Variants in RFC1 observed in about 807,000 individuals in gnomAD.
RFC1 encodes the protein replication factor C subunit 1.
A neutral mutation model predicts 137.4 loss-of-function variants in RFC1; 37 were observed. The observed-to-expected ratio is 0.27, with a 90% CI of 0.21 to 0.35. RFC1 has a LOEUF of 0.35. RFC1 is among the 10% of genes least tolerant of loss of function. RFC1 has a pLI of 1.00. For missense variants in RFC1, 1,205 were observed against 1,358.5 expected (o/e 0.89, Z 1.78); for synonymous variants, 429 against 455.7 (o/e 0.94, Z 0.75).
chr4:39,304,721 G>C, intron 15 of RFC1, 93 bp downstream of exon 15: 2 of 797,454 alleles, frequency 2.5e-6, no homozygotes, highest in Non-Finnish European at 2.2e-6. Context: ...TAGGGTGCTT[G>C]GCACACAACC....
Position 39,291,654 on chromosome 4 carries a change from T to G in RFC1, c.3153A>C (p.Ser1051=). The G allele has an allele frequency of 6.2e-7, 1 of 1,613,422 alleles. No homozygotes were observed. Among genetic ancestry groups the G allele is most frequent in the Non-Finnish European group, 8.5e-7 (1 of 1,179,358 alleles). ...SSWGGKPSPF[S]KLDPKVKAAF... ...CATGATTTACCTTGGGATCCAGCTT[T>G]GAAAAGGGACTAGGTTTGCCACCCC... Residue 1051 remains serine, a synonymous_variant, in exon 23 of 25, where the codon TCA becomes TCC. Coordinates refer to ENST00000349703, the MANE Select transcript of RFC1 (RefSeq NM_002913.5).
At chr4:39,293,893 T>C (rs977172729) in intron 22 of RFC1, among the ~76,000 whole-genome samples, 8 of 152,138 alleles carry the variant, frequency 5.3e-5, no homozygotes, top group Non-Finnish European at 1.0e-4. Context: ...AGAAGAGCCA[T>C]GGGGAAAGCA....
intron 4 of RFC1, among the ~76,000 whole-genome samples, chr4:39,330,545 A>C (rs1173061271): frequency 6.6e-6 from 1 of 152,140 alleles, no homozygotes; most frequent in African/African-American, 2.4e-5. Flanking sequence ...GACCACAATC[A>C]GCTAGACCAG....
chr4:39,304,237 T>C (rs547620455), intron 15 of RFC1, among the ~76,000 whole-genome samples: 2 of 152,312 alleles, frequency 1.3e-5, no homozygotes, highest in South Asian at 4.2e-4. Flanking sequence ...ACTCTGGCCA[T>C]AGAGGACCAC....
intron 4 of RFC1, among the ~76,000 whole-genome samples, chr4:39,339,161 G>A (rs1740495888): frequency 6.6e-6 from 1 of 151,890 alleles, no homozygotes. Flanking sequence ...TGACACTTAA[G>A]TTGTTTCCAT....
In RFC1 at chr4:39,288,558, G is replaced by A; in HGVS notation, c.*203C>T. 2.0e-6 allele frequency: 1 copy of A among 494,414 alleles called. No homozygotes were observed. The highest frequency in any genetic ancestry group is 3.6e-6 in the Non-Finnish European group (1 of 276,952). The allele number at this position is 494,414 out of a possible 1,614,324, so 30.6% of individuals were successfully genotyped here. A position where few individuals can be genotyped will look rare whatever the true frequency, so the allele number is the denominator to read the frequency against. ...CAGAGGACAGTGGAGGACCCAAGCA[G>A]TCCTATCAACCTCTATAAGAGGTGT... On this transcript the variant is annotated 3_prime_UTR_variant, in exon 25 of 25. Coordinates refer to ENST00000349703, the MANE Select transcript of RFC1 (RefSeq NM_002913.5).
At chr4:39,352,130 T>C (rs1334675164) in intron 1 of RFC1, among the ~76,000 whole-genome samples, 1 of 152,074 alleles carries the variant, frequency 6.6e-6, no homozygotes, top group Non-Finnish European at 1.5e-5. Context: ...TACATGCACA[T>C]ACACATACAC....
intron 2 of RFC1, among the ~76,000 whole-genome samples, chr4:39,349,733 G>T (rs562160110): frequency 6.6e-6 from 1 of 152,164 alleles, no homozygotes; most frequent in African/African-American, 2.4e-5. Flanking sequence ...GGCCGGGCAC[G>T]GTGGCTCACA....
chr4:39,317,046 TG>T (rs749270369), intron 9 of RFC1, 24 bp from the exon 10 acceptor site: 1 of 1,466,960 alleles, frequency 6.8e-7, no homozygotes, highest in African/African-American at 1.4e-5. Context: ...GAAAGGAAAA[TG>T]AACAAAGTCA....
At chr4:39,323,988 A>C (rs978482813) in intron 6 of RFC1, among the ~76,000 whole-genome samples, 1 of 152,212 alleles carries the variant, frequency 6.6e-6, no homozygotes, top group Non-Finnish European at 1.5e-5. Context: ...AGTTCTACTA[A>C]CATGCTAATG....
At chr4:39,341,501 A>T in intron 4 of RFC1, 3 of 416,800 alleles carry the variant, frequency 7.2e-6, no homozygotes, top group Admixed American at 5.8e-5. Flanking sequence ...TGTCTTTGAT[A>T]TTTTGAACAG....
chr4:39,312,868 G>T lies in RFC1; in HGVS notation c.1267C>A (p.Arg423=), dbSNP rs757709074. Residue 423 remains arginine (R), a synonymous_variant, in exon 11 of 25, where the codon CGA becomes AGA. Coordinates refer to ENST00000349703, the MANE Select transcript of RFC1 (RefSeq NM_002913.5). ...VITGVLESIE[R]DEAKSLIERY... ...TCAATTAGAGACTTGGCCTCATCTCGTTCAATAGACTCCAGCACGCCTGTG... is the reference window on the plus strand; with the variant it reads ...TCAATTAGAGACTTGGCCTCATCTCTTTCAATAGACTCCAGCACGCCTGTG... 6 of 1,613,868 alleles carry T rather than the reference G, an allele frequency of 3.7e-6. No individual in the cohort carries two copies. Among genetic ancestry groups the T allele is most frequent in the Non-Finnish European group, 5.1e-6 (6 of 1,180,012 alleles).
intron 1 of RFC1, among the ~76,000 whole-genome samples, chr4:39,358,165 C>T (rs1741575680): frequency 6.6e-6 from 1 of 151,882 alleles, no homozygotes; most frequent in South Asian, 2.1e-4. Flanking sequence ...ATCCCAGCTA[C>T]TAGGGAGGCT....
At chr4:39,322,318 G>C (rs1011268178) in intron 7 of RFC1, 2 of 151,800 alleles carry the variant, frequency 1.3e-5, no homozygotes, top group Non-Finnish European at 2.9e-5. Flanking sequence ...TGCGGTGAGG[G>C]GATCAATCAA....
chr4:39,333,887 G>GA (rs771425431), intron 4 of RFC1, among the ~76,000 whole-genome samples: 4 of 152,014 alleles, frequency 2.6e-5, no homozygotes, highest in Non-Finnish European at 5.9e-5. Flanking sequence ...GCTCTCCAAA[G>GA]AAAAAATATG....
In RFC1 at chr4:39,291,632, G is replaced by A. The variant is rs1304163752; in HGVS notation, c.3168+7C>T. The A allele has an allele frequency of 6.3e-7, 1 of 1,598,656 alleles. No individual in the cohort carries two copies. Among genetic ancestry groups the A allele is most frequent in the African/African-American group, 1.3e-5 (1 of 74,632 alleles). ...GTGACGAAGAACCAGTGAGTGACAT[G>A]ATTTACCTTGGGATCCAGCTTTGAA... On this transcript the variant is annotated splice_region_variant and intron_variant, in intron 23 of 24. Transcript: ENST00000349703.
intron 22 of RFC1, among the ~76,000 whole-genome samples, chr4:39,294,309 G>A (rs1215172876): frequency 6.6e-6 from 1 of 152,210 alleles, no homozygotes; most frequent in Non-Finnish European, 1.5e-5. Context: ...TGGAATGGGG[G>A]ATCAAATATT....
At chr4:39,339,456 C>T (rs995063325) in intron 4 of RFC1, among the ~76,000 whole-genome samples, 7 of 152,210 alleles carry the variant, frequency 4.6e-5, no homozygotes, top group East Asian at 1.9e-4. Context: ...GAGGTGTTAT[C>T]GCACACTGGT....
chr4:39,366,163 C>T lies in RFC1; in HGVS notation c.3+76G>A. On this transcript the variant is annotated intron_variant, in intron 1 of 24. Transcript: ENST00000349703. Reference sequence around the variant, plus strand: ...CGCCATCCTCCCCCACCCTGCATACCAGGAGTGCCCGGTCCACACCAGGCC... The same window carrying T: ...CGCCATCCTCCCCCACCCTGCATACTAGGAGTGCCCGGTCCACACCAGGCC... 3.3e-6 allele frequency: 5 copies of T among 1,501,834 alleles called. No homozygotes were observed. In the South Asian group the frequency reaches 6.1e-5, roughly 18 times the overall value. 93.0% of individuals were successfully genotyped at this position (1,501,834 alleles called of 1,614,324 possible). A position where few individuals can be genotyped will look rare whatever the true frequency, so the allele number is the denominator to read the frequency against.
Sources: gnomAD v4.1 joint callset for allele counts (sites outside exome capture counted in the v4.1 genomes callset) on GRCh38, gnomAD v4.1.1 for gene constraint, MANE v1.5 for transcripts, NCBI Gene and HGNC (gene_info 2026-07-23, HGNC 2026-07-21) for gene names.